The following CACNA1E variants were observed in gnomAD, a reference collection of about 807,000 sequenced individuals.
CACNA1E encodes the protein calcium voltage-gated channel subunit alpha1 E, also known as voltage-dependent R-type calcium channel subunit alpha-1E.
In CACNA1E, 40 loss-of-function variants were observed where a neutral mutation model predicts 259.2. The ratio of observed to expected loss-of-function variants is 0.15; its 90% CI spans 0.12 to 0.20. CACNA1E has a LOEUF of 0.20. Ranked by LOEUF, CACNA1E falls within the 10% of genes least tolerant of loss-of-function variation. CACNA1E has a pLI of 1.00. For synonymous variants in CACNA1E, 1,104 were observed against 1,138.5 expected, an observed-to-expected ratio of 0.97 and a Z score of 0.61; for missense variants, 1,874 against 3,040.1, an observed-to-expected ratio of 0.62 and a Z score of 9.02.
chr1:181,469,933 T>C (rs947575785), intron 2 of CACNA1E, among the ~76,000 whole-genome samples: 2 of 152,160 alleles, frequency 1.3e-5, no homozygotes, highest in African/African-American at 4.8e-5. Flanking sequence ...CTTATCATGT[T>C]ATCACTTCTT....
chr1:181,409,248 A>G (rs72729364), intron 1 of CACNA1E, among the ~76,000 whole-genome samples: 17,444 of 152,226 alleles, frequency 0.11, 1,059 homozygotes, highest in South Asian at 0.18. Context: ...ATTATATGGC[A>G]TGCAAAGCTT....
intron 33 of CACNA1E, among the ~76,000 whole-genome samples, chr1:181,763,053 C>T (rs969230953): frequency 7.2e-5 from 11 of 152,130 alleles, no homozygotes; most frequent in African/African-American, 2.4e-4. Flanking sequence ...CAGGGTAACT[C>T]TCTTTGAATA....
intron 3 of CACNA1E, among the ~76,000 whole-genome samples, chr1:181,533,214 T>A (rs1233350764): frequency 6.6e-6 from 1 of 151,380 alleles, no homozygotes; most frequent in Non-Finnish European, 1.5e-5. Flanking sequence ...TCATTTGGGG[T>A]TTTTTTAGTA....
chr1:181,677,048 G>A (rs1649446860), intron 7 of CACNA1E, among the ~76,000 whole-genome samples: 4 of 152,056 alleles, frequency 2.6e-5, no homozygotes, highest in African/African-American at 9.6e-5. Flanking sequence ...TTTAGAACTG[G>A]CCGGCCCTCC....
intron 6 of CACNA1E, among the ~76,000 whole-genome samples, chr1:181,599,743 T>TA (rs1460639616): frequency 1.3e-5 from 2 of 152,230 alleles, no homozygotes; most frequent in Non-Finnish European, 2.9e-5. Flanking sequence ...TAGTGAATGA[T>TA]ATAGGATCAA....
At chr1:181,676,896 T>A (rs1649433154) in intron 7 of CACNA1E, among the ~76,000 whole-genome samples, 1 of 152,210 alleles carries the variant, frequency 6.6e-6, no homozygotes, top group Admixed American at 6.5e-5. Context: ...AACCTCCTTT[T>A]CTCTGTTATA....
chr1:181,473,199 C>G (rs1662627028), intron 2 of CACNA1E, among the ~76,000 whole-genome samples: 1 of 152,164 alleles, frequency 6.6e-6, no homozygotes, highest in Admixed American at 6.5e-5. Context: ...CCTGAACTCC[C>G]TTACTGACCT....
chr1:181,623,663 T>C lies in CACNA1E; in HGVS notation c.952-27675T>C, dbSNP rs115295835. Among the ~76,000 whole-genome samples the C allele has an allele frequency of 1.6e-3, 239 of 152,334 alleles. 5 individuals are homozygous for C. The highest frequency in any genetic ancestry group is 5.6e-3 in the African/African-American group (232 of 41,570). ...ACACAAATTTTTGTTTCCCAGTGCA[T>C]ATAAAAGTTATGTTTACACTATATT... On this transcript the variant is annotated intron_variant, in intron 6 of 47. Coordinates refer to ENST00000367573, the MANE Select transcript of CACNA1E (RefSeq NM_001205293.3).
chr1:181,531,365 A>G (rs1419727063), intron 3 of CACNA1E, among the ~76,000 whole-genome samples: 1 of 152,102 alleles, frequency 6.6e-6, no homozygotes, highest in East Asian at 1.9e-4. Context: ...ATCAGCAGGC[A>G]TTTGTGTCCC....
intron 1 of CACNA1E, among the ~76,000 whole-genome samples, chr1:181,354,825 A>C (rs1653304826): frequency 6.6e-6 from 1 of 152,216 alleles, no homozygotes; most frequent in South Asian, 2.1e-4. Context: ...AGGGAGGCAA[A>C]AAAGGAGGAT....
intron 1 of CACNA1E, among the ~76,000 whole-genome samples, chr1:181,356,340 T>TCGCG (rs200585810): frequency 0.024 from 3,229 of 133,794 alleles, 108 homozygotes; most frequent in African/African-American, 0.087. Context: ...TGCCTTCTAT[T>TCGCG]CGTGTGTGTG....
intron 7 of CACNA1E, among the ~76,000 whole-genome samples, chr1:181,654,664 C>G (rs1659041763): frequency 6.6e-6 from 1 of 152,158 alleles, no homozygotes; most frequent in Non-Finnish European, 1.5e-5. Context: ...TAGCACAGAG[C>G]AACAAATACT....
chr1:181,634,259 G>C (rs1006910280), intron 6 of CACNA1E, among the ~76,000 whole-genome samples: 10 of 152,194 alleles, frequency 6.6e-5, no homozygotes, highest in African/African-American at 2.4e-4. Context: ...AAAGAAATCA[G>C]GTATGAGAAA....
intron 6 of CACNA1E, among the ~76,000 whole-genome samples, chr1:181,630,024 A>C (rs559192264): frequency 3.9e-5 from 6 of 152,174 alleles, no homozygotes; most frequent in Non-Finnish European, 7.3e-5. Context: ...CATTCAAAAA[A>C]ATAGCAAAAT....
At chr1:181,796,141 G>A (rs1316757825) in intron 46 of CACNA1E, among the ~76,000 whole-genome samples, 1 of 152,110 alleles carries the variant, frequency 6.6e-6, no homozygotes, top group Non-Finnish European at 1.5e-5. Context: ...GTGGCACCTT[G>A]CAAACTTACC....
intron 7 of CACNA1E, among the ~76,000 whole-genome samples, chr1:181,705,879 G>A (rs1235595795): frequency 6.6e-6 from 1 of 152,186 alleles, no homozygotes; most frequent in African/African-American, 2.4e-5. Flanking sequence ...TGTCCAGTTT[G>A]TAAGCAGCAG....
intron 2 of CACNA1E, among the ~76,000 whole-genome samples, chr1:181,445,039 AAACAC>A (rs1229055363): frequency 6.6e-6 from 1 of 152,234 alleles, no homozygotes; most frequent in African/African-American, 2.4e-5. Flanking sequence ...TTCCTAAACA[AAACAC>A]AACAAAATGG....
intron 21 of CACNA1E, among the ~76,000 whole-genome samples, chr1:181,735,432 C>G (rs888329950): frequency 1.3e-5 from 2 of 152,220 alleles, no homozygotes; most frequent in African/African-American, 4.8e-5. Flanking sequence ...ACTGCTGACA[C>G]AGGGTTCCAG....
At chr1:181,472,365 A>T (rs903598765) in intron 2 of CACNA1E, among the ~76,000 whole-genome samples, 2 of 152,232 alleles carry the variant, frequency 1.3e-5, no homozygotes, top group African/African-American at 4.8e-5. Flanking sequence ...TGTGTTAAAT[A>T]AGTAGATATC....
Sources: allele counts gnomAD v4.1 joint callset (sites outside exome capture counted in the v4.1 genomes callset), GRCh38; gene constraint gnomAD v4.1.1; transcripts MANE v1.5; gene names NCBI Gene and HGNC (gene_info 2026-07-23, HGNC 2026-07-21).